Variants in NAP1L4 observed in about 807,000 individuals in gnomAD.
NAP1L4 encodes nucleosome assembly protein 1-like 4.
A neutral mutation model predicts 58.2 loss-of-function variants in NAP1L4; 15 were observed. The ratio of observed to expected loss-of-function variants is 0.26; its 90% CI spans 0.17 to 0.40. The LOEUF is 0.40. NAP1L4 is among the 10% of genes least tolerant of loss of function. The probability of loss-of-function intolerance (pLI) is 1.00; values close to 1 mark genes in which losing one functional copy is unlikely to be tolerated. For synonymous variants in NAP1L4, 171 were observed against 155.6 expected, an observed-to-expected ratio of 1.10 and a Z score of -0.74; for missense variants, 384 against 451.1, an observed-to-expected ratio of 0.85 and a Z score of 1.35.
intron 14 of NAP1L4, chr11:2,950,849 G>A (rs560831390): frequency 2.2e-4 from 36 of 163,066 alleles, no homozygotes; most frequent in Admixed American, 5.1e-4. Flanking sequence ...GTCAAATGAT[G>A]CCCACAATCC....
intron 4 of NAP1L4, among the ~76,000 whole-genome samples, chr11:2,974,959 C>T (rs1348008152): frequency 2.6e-5 from 4 of 151,844 alleles, no homozygotes; most frequent in Non-Finnish European, 5.9e-5. Context: ...ACCCGGGAGG[C>T]GGAAGTTGCA....
At chr11:2,957,368 G>A (rs1431182133) in intron 10 of NAP1L4, among the ~76,000 whole-genome samples, 6 of 152,146 alleles carry the variant, frequency 3.9e-5, no homozygotes, top group Non-Finnish European at 1.5e-5. Context: ...CAGAAAATAG[G>A]CACCACAATT....
intron 15 of NAP1L4, 39 bp from the exon 16 acceptor site, chr11:2,945,685 CA>C (rs1443605945): frequency 6.6e-7 from 1 of 1,505,654 alleles, no homozygotes; most frequent in Admixed American, 2.0e-5. Flanking sequence ...AGAGCAAAGC[CA>C]GCTCCATTCA....
At chr11:2,988,263 C>T (rs916096856) in intron 1 of NAP1L4, 2 of 152,260 alleles carry the variant, frequency 1.3e-5, no homozygotes, top group African/African-American at 2.4e-5. Flanking sequence ...CATTAGCATA[C>T]GACTCAATGA....
chr11:2,951,931 TGCC>T lies in NAP1L4; in HGVS notation c.1036-125_1036-123del. On this transcript the variant is annotated intron_variant, in intron 12 of 15. Coordinates refer to ENST00000380542, the MANE Select transcript of NAP1L4 (RefSeq NM_005969.4). The surrounding 1 kb of genome is among the most constrained non-coding windows in gnomAD (Gnocchi z 4.0). Reference sequence around the variant, plus strand: ...AGAGGAGCAGAAAGTCCAGCCACGCTGCCTGCTGGGCCTCGCTTGCCTGAGGAG... The same window carrying T: ...AGAGGAGCAGAAAGTCCAGCCACGCTTGCTGGGCCTCGCTTGCCTGAGGAG... The T allele has an allele frequency of 1.1e-6, 1 of 912,788 alleles. No individual in the cohort carries two copies. Among genetic ancestry groups the T allele is most frequent in the East Asian group, 2.5e-5 (1 of 39,872 alleles). 56.5% of individuals were successfully genotyped at this position (912,788 alleles called of 1,614,324 possible).
At position 2,948,473 on chromosome 11, in the gene NAP1L4, T is replaced by C. The variant is rs968263306; in HGVS notation, c.*32+754A>G. ...CCCACTACATCCCGAGTGCCACGAG[T>C]GAACAGGTCTCGTCACGGGCAAGAG... On this transcript the variant is annotated intron_variant, in intron 15 of 15. Coordinates refer to ENST00000380542, the MANE Select transcript of NAP1L4 (RefSeq NM_005969.4). This position sits in a 1 kb window ranked among gnomAD's most constrained non-coding sequence, Gnocchi z 5.1. Among the ~76,000 whole-genome samples, 17 of 152,190 alleles carry C rather than the reference T, an allele frequency of 1.1e-4. No homozygotes were observed. The highest frequency in any genetic ancestry group is 6.5e-4 in the Admixed American group (10 of 15,278).
In NAP1L4 at chr11:2,955,629, G is replaced by T; in HGVS notation, c.915+115C>A. Reference sequence around the variant, plus strand: ...AGCCTCCCAAAGCATTAAGATCACTGGCATACCCAGTCCACACACAGCCAG... The same window carrying T: ...AGCCTCCCAAAGCATTAAGATCACTTGCATACCCAGTCCACACACAGCCAG... On this transcript the variant is annotated intron_variant, in intron 11 of 15. Coordinates refer to ENST00000380542, the MANE Select transcript of NAP1L4 (RefSeq NM_005969.4). This position sits in a 1 kb window ranked among gnomAD's most constrained non-coding sequence, Gnocchi z 4.2. The T allele has an allele frequency of 2.0e-6, 2 of 1,019,346 alleles. No individual in the cohort carries two copies. The highest frequency in any genetic ancestry group is 1.4e-5 in the South Asian group (1 of 69,210). The allele number at this position is 1,019,346 out of a possible 1,614,324, so 63.1% of individuals were successfully genotyped here. A position where few individuals can be genotyped will look rare whatever the true frequency, so the allele number is the denominator to read the frequency against.
At chr11:2,982,702 G>A (rs1178205165) in intron 1 of NAP1L4, among the ~76,000 whole-genome samples, 1 of 152,126 alleles carries the variant, frequency 6.6e-6, no homozygotes. Context: ...TTCACTTCTG[G>A]CTGTTTCTAC....
Position 2,969,910 on chromosome 11 carries a change from C to T in NAP1L4, c.427G>A (p.Val143Ile), listed in dbSNP as rs368577687. The T allele has an allele frequency of 2.4e-4, 392 of 1,613,278 alleles. 1 individual carries two copies. Among genetic ancestry groups the T allele is most frequent in the South Asian group, 1.5e-3 (136 of 90,902 alleles). The change falls in exon 7 of 16, where the codon GTC becomes ATC. Residue 143 changes from valine (V) to isoleucine (I), a missense_variant. Transcript: ENST00000380542. Reference sequence around the variant, plus strand: ...GCCGTTGCCGCTGCTTTTTCTGTGACGACTACTTTACTTTTCATGTCTCCC... The same window carrying T: ...GCCGTTGCCGCTGCTTTTTCTGTGATGACTACTTTACTTTTCATGTCTCCC... Reference protein sequence around the residue: ...LAGDMKSKVVVTEKAAATAEE... With the variant: ...LAGDMKSKVVITEKAAATAEE...
At chr11:2,961,125 C>CGGG (rs58555747) in intron 8 of NAP1L4, among the ~76,000 whole-genome samples, 83 of 151,704 alleles carry the variant, frequency 5.5e-4, no homozygotes, top group South Asian at 1.5e-3. Flanking sequence ...AAACCATCAA[C>CGGG]GGGGGGGAAA....
At chr11:2,966,289 C>T (rs1425733280) in intron 7 of NAP1L4, among the ~76,000 whole-genome samples, 1 of 152,168 alleles carries the variant, frequency 6.6e-6, no homozygotes, top group Non-Finnish European at 1.5e-5. Context: ...TATTTTTGAA[C>T]ATTCAAAACC....
chr11:2,948,800 G>T lies in NAP1L4; in HGVS notation c.*32+427C>A, dbSNP rs1466751795. On this transcript the variant is annotated intron_variant, in intron 15 of 15. Transcript: ENST00000380542. The surrounding 1 kb of genome is among the most constrained non-coding windows in gnomAD (Gnocchi z 5.1). ...AAAAGTATAGATATTCAACAGACAC[G>T]TGTTGGTAATGACAGTGGGCCAATT... 6.6e-6 allele frequency among the ~76,000 whole-genome samples: 1 copy of T among 152,152 alleles called. No individual in the cohort carries two copies. Among genetic ancestry groups the T allele is most frequent in the African/African-American group, 2.4e-5 (1 of 41,384 alleles).
intron 8 of NAP1L4, among the ~76,000 whole-genome samples, chr11:2,962,234 T>C (rs1846967819): frequency 6.6e-6 from 1 of 152,260 alleles, no homozygotes; most frequent in Admixed American, 6.5e-5. Flanking sequence ...ATGCTGATCA[T>C]AATGCAACAA....
At chr11:2,979,080 A>G (rs1848146433) in intron 2 of NAP1L4, 127 bp downstream of exon 2, 3 of 951,014 alleles carry the variant, frequency 3.2e-6, no homozygotes, top group East Asian at 4.9e-5. Flanking sequence ...CATACACAAG[A>G]AATGAGCCAT....
At position 2,945,565 on chromosome 11, in the gene NAP1L4, T is replaced by A; in HGVS notation, c.*114A>T. On this transcript the variant is annotated 3_prime_UTR_variant, in exon 16 of 16. Coordinates refer to ENST00000380542, the MANE Select transcript of NAP1L4 (RefSeq NM_005969.4). ...AGGACCGAGGCCCCGCCCACAGGCC[T>A]GGAGTCCCGACAGCCGGTCTGCCAG... 1 of 1,527,720 alleles carries A rather than the reference T, an allele frequency of 6.5e-7. No individual in the cohort carries two copies. Among genetic ancestry groups the A allele is most frequent in the Non-Finnish European group, 8.8e-7 (1 of 1,139,616 alleles). 94.6% of individuals were successfully genotyped at this position (1,527,720 alleles called of 1,614,324 possible). A position where few individuals can be genotyped will look rare whatever the true frequency, so the allele number is the denominator to read the frequency against.
chr11:2,976,547 T>C (rs1457973052), intron 3 of NAP1L4, among the ~76,000 whole-genome samples: 1 of 152,238 alleles, frequency 6.6e-6, no homozygotes, highest in Non-Finnish European at 1.5e-5. Context: ...TTGCTCACTG[T>C]GGTGCCATAG....
rs900240959 is a variant in NAP1L4 at position 2,977,747 on chromosome 11, TG to T, written c.73+536del. On this transcript the variant is annotated intron_variant, in intron 3 of 15. Transcript: ENST00000380542. ...TTGCTTTCAAACAGTTTGGAGGGAG[TG>T]GGGAGTACAGATATAGTTTTTTTTA... 4.6e-5 allele frequency among the ~76,000 whole-genome samples: 7 copies of T among 150,798 alleles called. No homozygotes were observed. The Admixed American group carries it at 4.6e-4, about 10-fold the overall frequency.
chr11:2,981,518 CAG>C lies in NAP1L4; in HGVS notation c.-17-2283_-17-2282del, dbSNP rs1848312413. On this transcript the variant is annotated intron_variant, in intron 1 of 15. Transcript: ENST00000380542. ...GCAGCAACCCAAACCCAGCCCTAGT[CAG>C]TGAAGATTTAAAAACCCTTTAACGG... Among the ~76,000 whole-genome samples the C allele has an allele frequency of 2.0e-5, 3 of 151,244 alleles. No individual in the cohort carries two copies. In the Admixed American group the frequency reaches 2.0e-4, roughly 10 times the overall value.
intron 1 of NAP1L4, among the ~76,000 whole-genome samples, chr11:2,986,474 ACT>A (rs1848632648): frequency 2.0e-5 from 3 of 152,038 alleles, no homozygotes; most frequent in East Asian, 3.9e-4. Context: ...TTATATATTT[ACT>A]CTGTCTTAAT....
Sources: allele counts gnomAD v4.1 joint callset (sites outside exome capture counted in the v4.1 genomes callset), GRCh38; gene constraint gnomAD v4.1.1; non-coding constraint Gnocchi (gnomAD v3.1); transcripts MANE v1.5; gene names NCBI Gene and HGNC (gene_info 2026-07-23, HGNC 2026-07-21).